HPRT1: variants seen among roughly 807,000 people sequenced by gnomAD.
The protein encoded by HPRT1 is hypoxanthine-guanine phosphoribosyltransferase.
HPRT1 carries 4 observed loss-of-function variants against 19.0 expected under a neutral mutation model. The ratio of observed to expected loss-of-function variants is 0.21; its 90% CI spans 0.10 to 0.48. The LOEUF is 0.48. Among genes scored for constraint, HPRT1 ranks in the 20% least tolerant of loss-of-function variants. HPRT1 has a pLI of 0.98. For synonymous variants in HPRT1, 53 were observed against 54.9 expected (o/e 0.97, Z 0.15); for missense variants, 65 against 164.0 (o/e 0.40, Z 3.30).
At chrX:134,460,612 G>A (rs775326598) in intron 1 of HPRT1, 18 of 194,806 alleles carry the variant, frequency 9.2e-5, no homozygotes, top group Middle Eastern at 1.6e-3. Context: ...CGTTTTGGTT[G>A]ACATGTGCCG....
At chrX:134,478,351 G>A (rs2077630973) in intron 3 of HPRT1, among the ~76,000 whole-genome samples, 1 of 111,678 alleles carries the variant, frequency 9.0e-6, no homozygotes, top group South Asian at 3.7e-4. Flanking sequence ...GGGTGCAGTG[G>A]CACACATGTA....
Position 134,473,433 on chromosome X carries a change from G to A in HPRT1, c.102G>A (p.Arg34=), listed in dbSNP as rs2077615792. The A allele has an allele frequency of 8.5e-7, 1 of 1,174,973 alleles. No individual in the cohort carries two copies. The highest frequency in any genetic ancestry group is 1.2e-6 in the Non-Finnish European group (1 of 862,337). Residue 34 remains arginine (R), a synonymous_variant, in exon 2 of 9, where the codon AGG becomes AGA. Coordinates refer to ENST00000298556, the MANE Select transcript of HPRT1 (RefSeq NM_000194.3). The part of the protein sequence containing the change: ...IPNHYAEDLE[R]VFIPHGLIMD... ...ATCATTATGCTGAGGATTTGGAAAG[G>A]GTGTTTATTCCTCATGGACTAATTA...
chrX:134,488,166 T>C (rs2077658411), intron 4 of HPRT1, among the ~76,000 whole-genome samples: 1 of 110,892 alleles, frequency 9.0e-6, no homozygotes, highest in Non-Finnish European at 1.9e-5. Context: ...TGTGATGGAG[T>C]CTCACTCTGC....
At position 134,500,172 on chromosome X, in the gene HPRT1, T is replaced by C. The variant is rs781138479; in HGVS notation, c.*95T>C. ...TCTAGTTCTGTGGCCATCTGCTTAG[T>C]AGAGCTTTTTGCATGTATCTTCTAA... is the stretch of plus-strand genomic sequence containing the variant. On this transcript the variant is annotated 3_prime_UTR_variant, in exon 9 of 9. Transcript: ENST00000298556. The C allele has an allele frequency of 1.5e-5, 9 of 613,517 alleles. No individual in the cohort carries two copies. In the East Asian group the frequency reaches 2.6e-4, roughly 18 times the overall value. 50.6% of individuals were successfully genotyped at this position (613,517 alleles called of 1,213,427 possible). A position where few individuals can be genotyped will look rare whatever the true frequency, so the allele number is the denominator to read the frequency against.
chrX:134,475,403 A>G (rs1054454341), intron 3 of HPRT1, 39 bp downstream of exon 3: 1 of 905,550 alleles, frequency 1.1e-6, no homozygotes, highest in Admixed American at 2.3e-5. Context: ...TAGTGGCAAC[A>G]GTAGGTTTTC....
chrX:134,461,500 G>C (rs769857465), intron 1 of HPRT1, among the ~76,000 whole-genome samples: 113 of 112,364 alleles, frequency 1.0e-3, no homozygotes, highest in Non-Finnish European at 1.9e-3. Context: ...CTATTTACTA[G>C]TTGTGTGGCT....
At chrX:134,476,103 G>A (rs1452954846) in intron 3 of HPRT1, among the ~76,000 whole-genome samples, 1 of 112,035 alleles carries the variant, frequency 8.9e-6, no homozygotes, top group East Asian at 2.8e-4. Context: ...TAGAACAAAT[G>A]TCCAGTTTTT....
intron 6 of HPRT1, among the ~76,000 whole-genome samples, chrX:134,495,928 TATCAGTACTTC>T (rs1354743784): frequency 8.9e-6 from 1 of 112,597 alleles, no homozygotes; most frequent in African/African-American, 3.2e-5. Context: ...TTGGGGCATG[TATCAGTACTTC>T]ATCCCTTGTT....
At chrX:134,472,977 TC>T (rs1167716632) in intron 1 of HPRT1, among the ~76,000 whole-genome samples, 12 of 110,651 alleles carry the variant, frequency 1.1e-4, no homozygotes, top group Non-Finnish European at 2.1e-4. Flanking sequence ...AACCTTCACC[TC>T]CCAGGTTCAA....
chrX:134,468,249 G>A (rs1049304421), intron 1 of HPRT1, among the ~76,000 whole-genome samples: 1 of 111,288 alleles, frequency 9.0e-6, no homozygotes, highest in African/African-American at 3.3e-5. Context: ...GACATAGTAA[G>A]TATTCAATAA....
At chrX:134,475,436 C>A in intron 3 of HPRT1, 72 bp downstream of exon 3, 1 of 673,151 alleles carries the variant, frequency 1.5e-6, no homozygotes, top group Non-Finnish European at 2.3e-6. Flanking sequence ...TGAATCTCTG[C>A]AAACCATACT....
intron 3 of HPRT1, 47 bp from the exon 4 acceptor site, chrX:134,486,418 T>C (rs1304341709): frequency 4.4e-6 from 3 of 685,033 alleles, no homozygotes; most frequent in Non-Finnish European, 6.4e-6. Flanking sequence ...CATATACATA[T>C]GTGTGTGTAG....
intron 1 of HPRT1, 25 bp downstream of exon 1, chrX:134,460,363 T>C: frequency 1.8e-6 from 2 of 1,098,821 alleles, no homozygotes; most frequent in Non-Finnish European, 2.4e-6. Flanking sequence ...CTGCCGGCCC[T>C]GGCCGGTTCA....
At chrX:134,496,008 T>C (rs754921100) in intron 6 of HPRT1, among the ~76,000 whole-genome samples, 1 of 112,606 alleles carries the variant, frequency 8.9e-6, no homozygotes, top group East Asian at 2.8e-4. Context: ...CATCTGTTGG[T>C]GAACATTTGA....
chrX:134,469,643 G>A (rs1271479461), intron 1 of HPRT1, among the ~76,000 whole-genome samples: 1 of 111,909 alleles, frequency 8.9e-6, no homozygotes, highest in African/African-American at 3.2e-5. Flanking sequence ...ATCGTTGCAA[G>A]TGTATATTTC....
At position 134,460,196 on chromosome X, in the gene HPRT1, G is replaced by C. The variant is rs1302224572; in HGVS notation, c.-116G>C. On this transcript the variant is annotated 5_prime_UTR_variant, in exon 1 of 9. Transcript: ENST00000298556. ...AGGCGGCTGCGACGAGCCCTCAGGC[G>C]AACCTCTCGGCTTTCCCGCGCGGCG... The C allele has an allele frequency of 1.7e-5, 14 of 817,155 alleles. No individual in the cohort carries two copies. The highest frequency in any genetic ancestry group is 2.4e-5 in the Non-Finnish European group (14 of 586,245). The allele number at this position is 817,155 out of a possible 1,213,427, so 67.3% of individuals were successfully genotyped here.
At chrX:134,475,417 T>TTCGCCA in intron 3 of HPRT1, 53 bp downstream of exon 3, 1 of 829,299 alleles carries the variant, frequency 1.2e-6, no homozygotes, top group Non-Finnish European at 1.8e-6. Flanking sequence ...GGTTTTCTTA[T>TTCGCCA]ATTTTCTTTG....
chrX:134,464,962 C>T (rs1275093195), intron 1 of HPRT1, among the ~76,000 whole-genome samples: 1 of 109,986 alleles, frequency 9.1e-6, no homozygotes, highest in Non-Finnish European at 1.9e-5. Context: ...CTTTTGTTGC[C>T]CAGACTGTAG....
At chrX:134,478,004 A>G (rs767900797) in intron 3 of HPRT1, among the ~76,000 whole-genome samples, 2 of 112,273 alleles carry the variant, frequency 1.8e-5, no homozygotes, top group South Asian at 7.3e-4. Flanking sequence ...CTGTTTAATA[A>G]TTCAGCAGCT....
Sources: gnomAD v4.1 joint callset for allele counts (sites outside exome capture counted in the v4.1 genomes callset) on GRCh38, gnomAD v4.1.1 for gene constraint, MANE v1.5 for transcripts, NCBI Gene and HGNC (gene_info 2026-07-23, HGNC 2026-07-21) for gene names.